Variants in MORN3 observed in about 807,000 individuals in gnomAD.
MORN3 encodes MORN repeat-containing protein 3.
A neutral mutation model predicts 34.7 loss-of-function variants in MORN3; 38 were observed. The ratio of observed to expected loss-of-function variants is 1.10; its 90% CI spans 0.85 to 1.44. The LOEUF (loss-of-function observed/expected upper bound fraction) is 1.44, where lower values mean the gene tolerates loss of function less well. Ranked by LOEUF, MORN3 falls within the 40% of genes most tolerant of loss-of-function variation. The pLI is 0.00. For missense variants in MORN3, 311 were observed against 321.7 expected (o/e 0.97, Z 0.25); for synonymous variants, 109 against 115.3 (o/e 0.95, Z 0.35).
chr12:121,659,072 T>C, intron 2 of MORN3, 119 bp downstream of exon 2: 4 of 1,344,672 alleles, frequency 3.0e-6, no homozygotes, highest in Non-Finnish European at 4.0e-6. Context: ...CCTGTCCTCC[T>C]CCCTGTAGAC....
At chr12:121,672,213 C>T (rs1016600846), upstream of MORN3, among the ~76,000 whole-genome samples, 4 of 151,586 alleles carry the variant, frequency 2.6e-5, no homozygotes, top group African/African-American at 9.7e-5. Flanking sequence ...AATCCCAGCA[C>T]GTTGGGAAGC....
chr12:121,665,549 C>T (rs941025043), intron 1 of MORN3, among the ~76,000 whole-genome samples: 1 of 151,108 alleles, frequency 6.6e-6, no homozygotes, highest in Non-Finnish European at 1.5e-5. Context: ...GGGCGGATCA[C>T]GAGGTCAGGA....
intron 1 of MORN3, among the ~76,000 whole-genome samples, chr12:121,663,514 T>C (rs1893648583): frequency 6.6e-6 from 1 of 152,170 alleles, no homozygotes; most frequent in Non-Finnish European, 1.5e-5. Context: ...ATGTAGACTT[T>C]TAAGAAAATA....
chr12:121,662,966 A>G (rs1322865838), intron 1 of MORN3, among the ~76,000 whole-genome samples: 6 of 152,000 alleles, frequency 3.9e-5, no homozygotes, highest in African/African-American at 1.4e-4. Context: ...CAGCCTGGCA[A>G]CAGAGCGGGA....
rs776722576 is a variant in MORN3 at position 121,669,436 on chromosome 12, C to T, written c.48G>A (p.Gly16=). 1.2e-6 allele frequency: 2 copies of T among 1,614,078 alleles called. No homozygotes were observed. The highest frequency in any genetic ancestry group is 2.2e-5 in the South Asian group (2 of 91,088). ...CGTTCCTCTGGGCCTTCCGGTCCCA[C>T]CCCTTCCACAGGGACTCCGACTTTT... is the stretch of plus-strand genomic sequence containing the variant. The part of the protein sequence containing the change: ...CPKKSESLWK[G]WDRKAQRNGL... Residue 16 remains glycine (G), a synonymous_variant, in exon 1 of 6, where the codon GGG becomes GGA. Transcript: ENST00000355329.
chr12:121,662,429 G>A (rs1893610435), intron 1 of MORN3, among the ~76,000 whole-genome samples: 1 of 152,054 alleles, frequency 6.6e-6, no homozygotes, highest in Admixed American at 6.6e-5. Context: ...TTGCGCCACT[G>A]CACTCCAGCC....
At chr12:121,665,478 G>A (rs1221379865) in intron 1 of MORN3, among the ~76,000 whole-genome samples, 1 of 150,452 alleles carries the variant, frequency 6.6e-6, no homozygotes, top group Admixed American at 6.6e-5. Flanking sequence ...TAGAAAACGC[G>A]AGGTCTTGGC....
intron 1 of MORN3, 104 bp from the exon 2 acceptor site, chr12:121,659,452 G>GC: frequency 8.9e-7 from 1 of 1,129,704 alleles, no homozygotes; most frequent in Non-Finnish European, 1.3e-6. Flanking sequence ...AATCTAGAGA[G>GC]CTGGGACAGG....
intron 1 of MORN3, among the ~76,000 whole-genome samples, chr12:121,661,940 G>A (rs2136877669): frequency 6.6e-6 from 1 of 151,668 alleles, no homozygotes; most frequent in East Asian, 1.9e-4. Context: ...AGGGAAGAAA[G>A]AAAGAAAACG....
chr12:121,659,169 C>CACACA, intron 2 of MORN3, 22 bp downstream of exon 2: 1 of 1,546,320 alleles, frequency 6.5e-7, no homozygotes. Context: ...ACACACACAC[C>CACACA]CCGGCTGGCA....
At chr12:121,658,898 A>G (rs561445256) in intron 2 of MORN3, among the ~76,000 whole-genome samples, 1 of 152,230 alleles carries the variant, frequency 6.6e-6, no homozygotes, top group East Asian at 1.9e-4. Context: ...AACGAGGGGG[A>G]AAAGGGTGGA....
chr12:121,659,106 C>A, intron 2 of MORN3, 85 bp downstream of exon 2: 1 of 1,527,298 alleles, frequency 6.5e-7, no homozygotes, highest in Non-Finnish European at 8.8e-7. Context: ...TCTCCCAGGC[C>A]TCTCTCGGCT....
chr12:121,664,355 C>A (rs947198221), intron 1 of MORN3, among the ~76,000 whole-genome samples: 1 of 152,108 alleles, frequency 6.6e-6, no homozygotes, highest in African/African-American at 2.4e-5. Context: ...AGAAGAAGGG[C>A]ACTTGGTCAA....
rs1893512928 is a variant in MORN3, at chr12:121,659,380, C to A, written c.146-32G>T. The A allele has an allele frequency of 1.9e-6, 3 of 1,607,730 alleles. No homozygotes were observed. In the East Asian group the frequency reaches 6.7e-5, roughly 36 times the overall value. On this transcript the variant is annotated intron_variant, in intron 1 of 5. Coordinates refer to ENST00000355329, the MANE Select transcript of MORN3 (RefSeq NM_173855.5). ...ACACACAGATGGGCAATGCTGCAGACATGGCCGCCGGGGGGTGGGGGTGGT... is the reference window on the plus strand; with the variant it reads ...ACACACAGATGGGCAATGCTGCAGAAATGGCCGCCGGGGGGTGGGGGTGGT...
intron 3 of MORN3, 38 bp from the exon 4 acceptor site, chr12:121,653,297 C>G (rs1893308357): frequency 1.3e-6 from 2 of 1,595,990 alleles, no homozygotes; most frequent in African/African-American, 1.3e-5. Flanking sequence ...GCAGGGTACA[C>G]CAAACTAAGC....
In MORN3 at chr12:121,665,278, C is replaced by CTTTTTTTT. The variant is rs767525874; in HGVS notation, c.145+4053_145+4060dup. On this transcript the variant is annotated intron_variant, in intron 1 of 5. Coordinates refer to ENST00000355329, the MANE Select transcript of MORN3 (RefSeq NM_173855.5). ...AGATCTCGCGTTTTCTTTTTCTTTC[C>CTTTTTTTT]TTTTTTTTTTTTTTTTTTTTTTTTT... Among the ~76,000 whole-genome samples, 24 of 50,670 alleles carry CTTTTTTTT rather than the reference C, an allele frequency of 4.7e-4. 1 individual carries two copies. Among genetic ancestry groups the CTTTTTTTT allele is most frequent in the South Asian group, 2.6e-3 (2 of 770 alleles). The allele number at this position is 50,670 out of a possible 152,430, so 33.2% of individuals were successfully genotyped here. A position where few individuals can be genotyped will look rare whatever the true frequency, so the allele number is the denominator to read the frequency against.
At chr12:121,666,363 G>A (rs1259333807) in intron 1 of MORN3, among the ~76,000 whole-genome samples, 1 of 151,998 alleles carries the variant, frequency 6.6e-6, no homozygotes, top group Non-Finnish European at 1.5e-5. Flanking sequence ...AATTGGCTGG[G>A]CGTGGTGGTG....
chr12:121,658,095 G>A (rs1893461743), intron 2 of MORN3, among the ~76,000 whole-genome samples: 2 of 151,924 alleles, frequency 1.3e-5, no homozygotes, highest in South Asian at 2.1e-4. Flanking sequence ...CTCTGCTGCT[G>A]GAATGTTCGG....
At position 121,653,072 on chromosome 12, in the gene MORN3, C is replaced by T; in HGVS notation, c.648+3G>A. ...CCACAGGGCCCTGGTGAGGGCTGCC[C>T]ACCTCAGGAATGGGGAACTGAGTGG... On this transcript the variant is annotated splice_donor_region_variant and intron_variant, in intron 4 of 5. Coordinates refer to ENST00000355329, the MANE Select transcript of MORN3 (RefSeq NM_173855.5). 1 of 1,606,640 alleles carries T rather than the reference C, an allele frequency of 6.2e-7. No individual in the cohort carries two copies. Among genetic ancestry groups the T allele is most frequent in the Non-Finnish European group, 8.5e-7 (1 of 1,176,918 alleles).
Sources: allele counts gnomAD v4.1 joint callset (sites outside exome capture counted in the v4.1 genomes callset), GRCh38; gene constraint gnomAD v4.1.1; transcripts MANE v1.5; gene names NCBI Gene and HGNC (gene_info 2026-07-23, HGNC 2026-07-21).